Variants in ANXA4 observed in about 807,000 individuals in gnomAD.
The protein encoded by ANXA4 is 35-beta calcimedin.
In ANXA4, 39 loss-of-function variants were observed where a neutral mutation model predicts 49.8. The observed-to-expected ratio is 0.78, with a 90% CI of 0.61 to 1.02. ANXA4 has a LOEUF of 1.02. ANXA4 is among the 50% of genes least tolerant of loss of function. The pLI is 0.00. For missense variants in ANXA4, 360 were observed against 410.1 expected, an observed-to-expected ratio of 0.88 and a Z score of 1.05; for synonymous variants, 134 against 152.5, an observed-to-expected ratio of 0.88 and a Z score of 0.89.
chr2:69,646,475 T>A (rs916477381), intron 1 of ANXA4, among the ~76,000 whole-genome samples: 1 of 152,256 alleles, frequency 6.6e-6, no homozygotes. Context: ...GCTATCTGAT[T>A]AAGGTGGAAA....
intron 1 of ANXA4, among the ~76,000 whole-genome samples, chr2:69,747,195 G>T (rs796411307): frequency 3.3e-5 from 5 of 152,064 alleles, no homozygotes; most frequent in African/African-American, 9.7e-5. Context: ...ATTCCTCTGG[G>T]TTTAGGCACT....
chr2:69,821,160 G>A (rs1297773332), intron 12 of ANXA4, among the ~76,000 whole-genome samples: 4 of 152,184 alleles, frequency 2.6e-5, no homozygotes, highest in African/African-American at 4.8e-5. Context: ...GGCCAGCTGA[G>A]GTCTGCTGGG....
chr2:69,647,675 C>A (rs1490299918), intron 1 of ANXA4, among the ~76,000 whole-genome samples: 1 of 152,006 alleles, frequency 6.6e-6, no homozygotes, highest in African/African-American at 2.4e-5. Flanking sequence ...TCCCAAAATG[C>A]TGGGATTACA....
chr2:69,755,003 G>A (rs1243267006), intron 1 of ANXA4, among the ~76,000 whole-genome samples: 1 of 152,178 alleles, frequency 6.6e-6, no homozygotes. Flanking sequence ...TGAAATTTTG[G>A]TTTCACTTTA....
chr2:69,757,252 ATATATATATATATATTT>A (rs1260367888), intron 1 of ANXA4, among the ~76,000 whole-genome samples: 1 of 42,384 alleles, frequency 2.4e-5, no homozygotes, highest in Non-Finnish European at 3.7e-5. Context: ...ATATATATAT[ATATATATATATATATTT>A]TTTTTTTTTT....
intron 2 of ANXA4, among the ~76,000 whole-genome samples, chr2:69,784,817 G>A (rs1672346500): frequency 6.6e-6 from 1 of 152,168 alleles, no homozygotes; most frequent in South Asian, 2.1e-4. Flanking sequence ...TTGGCTTGCT[G>A]CTGCATAACT....
In ANXA4 at chr2:69,811,256, G is replaced by A. The variant is rs74685399; in HGVS notation, c.477+583G>A. The A allele has an allele frequency of 2.7e-3, 411 of 153,104 alleles. 13 individuals carry two copies. In the East Asian group the frequency reaches 0.07, roughly 26 times the overall value. The allele number at this position is 153,104 out of a possible 1,614,324, so 9.5% of individuals were successfully genotyped here. ...AACAACTGGGTGAACAGTTGGGCTG[G>A]TGATTCTGGAAACAGGGTGGGAGGA... On this transcript the variant is annotated intron_variant, in intron 7 of 12. Coordinates refer to ENST00000394295, the MANE Select transcript of ANXA4 (RefSeq NM_001153.5).
At chr2:69,785,581 T>A (rs867476396) in intron 2 of ANXA4, among the ~76,000 whole-genome samples, 2 of 106,232 alleles carry the variant, frequency 1.9e-5, no homozygotes, top group Admixed American at 2.3e-4. Context: ...GATGATGATG[T>A]TTCTGAGTTT....
intron 2 of ANXA4, among the ~76,000 whole-genome samples, chr2:69,705,497 A>T (rs1464596690): frequency 6.6e-6 from 1 of 152,226 alleles, no homozygotes; most frequent in East Asian, 1.9e-4. Context: ...CCTAAAGTGT[A>T]AGCTGCAGTA....
At chr2:69,807,614 G>C (rs903872176) in intron 5 of ANXA4, among the ~76,000 whole-genome samples, 1 of 152,192 alleles carries the variant, frequency 6.6e-6, no homozygotes, top group Non-Finnish European at 1.5e-5. Context: ...CAGAGGAAGA[G>C]AGCAGAAGAG....
intron 11 of ANXA4, among the ~76,000 whole-genome samples, chr2:69,819,994 GGAGGCAGAGGTTGCAGTGAGCTGAAAT>G (rs375449196): frequency 6.6e-6 from 1 of 151,852 alleles, no homozygotes; most frequent in African/African-American, 2.4e-5. Context: ...CTGGAACCCA[GGAGGCAGAGGTTGCAGTGAGCTGAAAT>G]TGCACTACTG....
chr2:69,764,239 A>C (rs560976908), intron 1 of ANXA4, among the ~76,000 whole-genome samples: 3 of 152,276 alleles, frequency 2.0e-5, no homozygotes, highest in Admixed American at 2.0e-4. Context: ...TATTAGTTTC[A>C]CACTCACCTG....
In ANXA4 at chr2:69,807,978, A is replaced by C; in HGVS notation, c.379A>C (p.Ser127Arg). The C allele has an allele frequency of 6.2e-7, 1 of 1,614,120 alleles. No individual in the cohort carries two copies. The highest frequency in any genetic ancestry group is 8.5e-7 in the Non-Finnish European group (1 of 1,179,984). The change falls in exon 6 of 13, where the codon AGC (serine) becomes CGC (arginine). Residue 127 changes from serine to arginine, a missense_variant. Ser to Arg is a moderately radical substitution (Grantham distance 110). Transcript: ENST00000394295. ...SRTPEEIRRI[S>R]QTYQQQYGRS... ...GACCCCTGAGGAGATCCGGCGCATA[A>C]GCCAAACCTACCAGCAGCGTACGTG...
chr2:69,739,692 G>A (rs1055473222), upstream of ANXA4, among the ~76,000 whole-genome samples: 5 of 151,986 alleles, frequency 3.3e-5, no homozygotes, highest in Non-Finnish European at 7.4e-5. Flanking sequence ...CCAACGTGCT[G>A]GTGTTACAGG....
chr2:69,821,296 G>A (rs979883446), intron 12 of ANXA4, among the ~76,000 whole-genome samples: 13 of 152,112 alleles, frequency 8.5e-5, no homozygotes, highest in African/African-American at 3.1e-4. Context: ...AGGCATTCCT[G>A]GGATTTTGTT....
intron 3 of ANXA4, among the ~76,000 whole-genome samples, chr2:69,724,054 A>G (rs1389430229): frequency 6.6e-6 from 1 of 152,260 alleles, no homozygotes; most frequent in African/African-American, 2.4e-5. Context: ...CGGGAGGCGG[A>G]GGTTGCGGTA....
intron 2 of ANXA4, among the ~76,000 whole-genome samples, chr2:69,712,027 TA>T (rs1452130388): frequency 6.6e-6 from 1 of 152,176 alleles, no homozygotes; most frequent in Non-Finnish European, 1.5e-5. Context: ...AATTTATTTT[TA>T]TTTTTTTCTC....
At chr2:69,789,602 AG>A (rs2103714726) in intron 3 of ANXA4, among the ~76,000 whole-genome samples, 1 of 152,202 alleles carries the variant, frequency 6.6e-6, no homozygotes, top group Admixed American at 6.5e-5. Context: ...CATCACAGAG[AG>A]GGGTCCCGAG....
intron 2 of ANXA4, among the ~76,000 whole-genome samples, chr2:69,694,515 CCT>C (rs1383012629): frequency 6.2e-4 from 63 of 101,542 alleles, no homozygotes; most frequent in Admixed American, 3.6e-3. Flanking sequence ...ATCCCTCCCC[CCT>C]CCCCCCTCCC....
Sources: allele counts gnomAD v4.1 joint callset (sites outside exome capture counted in the v4.1 genomes callset), GRCh38; gene constraint gnomAD v4.1.1; transcripts MANE v1.5; gene names NCBI Gene and HGNC (gene_info 2026-07-23, HGNC 2026-07-21).